PCDH15: variants seen among roughly 807,000 people sequenced by gnomAD.
PCDH15 encodes protocadherin related 15.
PCDH15 carries 129 observed loss-of-function variants against 178.5 expected under a neutral mutation model. The observed-to-expected ratio is 0.72, with a 90% CI of 0.63 to 0.84. The LOEUF is 0.84. PCDH15 is among the 40% of genes least tolerant of loss of function. The pLI is 0.00. For missense variants in PCDH15, 2,230 were observed against 2,099.9 expected, an observed-to-expected ratio of 1.06 and a Z score of -1.21; for synonymous variants, 800 against 732.0, an observed-to-expected ratio of 1.09 and a Z score of -1.50.
intron 5 of PCDH15, among the ~76,000 whole-genome samples, chr10:54,351,315 C>A (rs571045915): frequency 1.2e-4 from 18 of 152,142 alleles, no homozygotes; most frequent in African/African-American, 4.1e-4. Context: ...CCTAAATGGG[C>A]AGGTAGCATT....
At chr10:54,010,005 T>A (rs1351638490) in intron 20 of PCDH15, among the ~76,000 whole-genome samples, 1 of 152,244 alleles carries the variant, frequency 6.6e-6, no homozygotes, top group Admixed American at 6.5e-5. Flanking sequence ...GGCTGAGCAG[T>A]GAAACATTGC....
intron 35 of PCDH15, 105 bp from the exon 36 acceptor site, chr10:53,811,724 T>C (rs981817519): frequency 9.8e-6 from 6 of 609,390 alleles, no homozygotes; most frequent in Admixed American, 7.1e-5. Flanking sequence ...AAAACATTCC[T>C]GCCAAAATAA....
chr10:55,491,762 G>C (rs1307357370), intron 2 of PCDH15, among the ~76,000 whole-genome samples: 1 of 151,184 alleles, frequency 6.6e-6, no homozygotes, highest in Non-Finnish European at 1.5e-5. Context: ...CAATTAAGAA[G>C]AAATGTCAGC....
At chr10:54,308,553 T>C (rs2060694053) in intron 8 of PCDH15, among the ~76,000 whole-genome samples, 1 of 152,134 alleles carries the variant, frequency 6.6e-6, no homozygotes, top group Admixed American at 6.6e-5. Context: ...TACAGTTGAA[T>C]ATAGTTGAAC....
Position 54,479,365 on chromosome 10 carries a change from T to G in PCDH15, c.157+48447A>C, listed in dbSNP as rs553147428. Among the ~76,000 whole-genome samples, 5 of 152,164 alleles carry G rather than the reference T, an allele frequency of 3.3e-5. No homozygotes were observed. The South Asian group carries it at 8.3e-4, about 25-fold the overall frequency. On this transcript the variant is annotated intron_variant, in intron 3 of 37. Coordinates refer to ENST00000644397, the MANE Select transcript of PCDH15 (RefSeq NM_001384140.1). ...TCCAGCAAATGAATAGTATTTATGC[T>G]TAAAACTTAAATGTGTGTGTGTAAC...
At chr10:54,293,370 G>A (rs1053656149) in intron 8 of PCDH15, among the ~76,000 whole-genome samples, 1 of 152,038 alleles carries the variant, frequency 6.6e-6, no homozygotes, top group African/African-American at 2.4e-5. Flanking sequence ...AACCTGAGAG[G>A]AAAACCTAGG....
chr10:55,055,352 A>G (rs1008073156), intron 2 of PCDH15, among the ~76,000 whole-genome samples: 3 of 152,178 alleles, frequency 2.0e-5, no homozygotes, highest in Non-Finnish European at 4.4e-5. Context: ...TACCTGCAGA[A>G]GAAACAAACC....
intron 15 of PCDH15, among the ~76,000 whole-genome samples, chr10:54,109,372 T>C (rs1281720224): frequency 2.0e-5 from 3 of 152,122 alleles, no homozygotes; most frequent in East Asian, 1.9e-4. Flanking sequence ...TGGATATCCA[T>C]ACACTGAAGA....
chr10:55,567,523 T>C (rs1842326053), intron 2 of PCDH15, among the ~76,000 whole-genome samples: 1 of 149,956 alleles, frequency 6.7e-6, no homozygotes, highest in Non-Finnish European at 1.5e-5. Flanking sequence ...TGGAAGAAAA[T>C]ATTTGCAGAA....
intron 2 of PCDH15, among the ~76,000 whole-genome samples, chr10:55,327,302 GA>G (rs2132306097): frequency 6.6e-6 from 1 of 152,162 alleles, no homozygotes; most frequent in Non-Finnish European, 1.5e-5. Context: ...AAAATTGTGA[GA>G]AATAAATTTC....
chr10:54,815,087 AG>A (rs1952927043), intron 3 of PCDH15, among the ~76,000 whole-genome samples: 1 of 152,014 alleles, frequency 6.6e-6, no homozygotes, highest in Admixed American at 6.6e-5. Context: ...TTGGACAATA[AG>A]GGTTTGGACT....
At chr10:53,843,302 A>G (rs1589051458) in intron 28 of PCDH15, among the ~76,000 whole-genome samples, 1 of 152,182 alleles carries the variant, frequency 6.6e-6, no homozygotes, top group East Asian at 1.9e-4. Flanking sequence ...TTGAGAACAC[A>G]TTTCATAAAA....
intron 3 of PCDH15, among the ~76,000 whole-genome samples, chr10:54,839,026 C>G (rs1012459531): frequency 6.6e-6 from 1 of 152,140 alleles, no homozygotes; most frequent in Non-Finnish European, 1.5e-5. Context: ...GAGAATCCAA[C>G]AAGAAGTGGT....
At chr10:54,324,530 AG>A (rs2061813529) in intron 7 of PCDH15, among the ~76,000 whole-genome samples, 1 of 152,130 alleles carries the variant, frequency 6.6e-6, no homozygotes, top group South Asian at 2.1e-4. Context: ...TGGAAGGCCA[AG>A]GTGGGCTGAT....
chr10:55,345,207 G>T (rs1379939698), intron 2 of PCDH15, among the ~76,000 whole-genome samples: 3 of 150,160 alleles, frequency 2.0e-5, no homozygotes, highest in African/African-American at 4.9e-5. Context: ...ACTTATTTTT[G>T]ATTAAAAAAG....
chr10:55,008,659 C>A (rs1839984158), intron 2 of PCDH15, among the ~76,000 whole-genome samples: 1 of 152,140 alleles, frequency 6.6e-6, no homozygotes, highest in African/African-American at 2.4e-5. Context: ...GGGCATAATA[C>A]CCCCAGCAAC....
chr10:54,807,428 A>G (rs1032466230), intron 3 of PCDH15, among the ~76,000 whole-genome samples: 23 of 152,042 alleles, frequency 1.5e-4, no homozygotes, highest in African/African-American at 5.3e-4. Flanking sequence ...AAAGAATCTC[A>G]GTATAACCTT....
intron 1 of PCDH15, among the ~76,000 whole-genome samples, chr10:54,706,282 C>T (rs2095363949): frequency 6.6e-6 from 1 of 152,126 alleles, no homozygotes; most frequent in African/African-American, 2.4e-5. Flanking sequence ...CAAGTCAATA[C>T]ACAACTTACC....
chr10:54,195,908 G>C lies in PCDH15; in HGVS notation c.1099-19C>G, dbSNP rs771313944. ...GTTCAGCCTAAAATTGAAAAGAAAA[G>C]AAAATATTTAGAAAGTATATGTCGT... On this transcript the variant is annotated intron_variant, in intron 10 of 37. Coordinates refer to ENST00000644397, the MANE Select transcript of PCDH15 (RefSeq NM_001384140.1). 3.1e-6 allele frequency: 5 copies of C among 1,601,490 alleles called. No homozygotes were observed. Among genetic ancestry groups the C allele is most frequent in the Non-Finnish European group, 4.3e-6 (5 of 1,169,108 alleles).
Sources: allele counts gnomAD v4.1 joint callset (sites outside exome capture counted in the v4.1 genomes callset), GRCh38; gene constraint gnomAD v4.1.1; transcripts MANE v1.5; gene names NCBI Gene and HGNC (gene_info 2026-07-23, HGNC 2026-07-21).